Variants in ASIP observed in about 807,000 individuals in gnomAD.
The protein encoded by ASIP is agouti signaling protein.
ASIP carries 11 observed loss-of-function variants against 10.3 expected under a neutral mutation model. That is an observed-to-expected ratio of 1.07 (90% confidence interval 0.68 to 1.78). ASIP has a LOEUF of 1.78. Among genes scored for constraint, ASIP ranks in the 40% most tolerant of loss-of-function variants. ASIP has a pLI of 0.00. For missense variants in ASIP, 180 were observed against 169.2 expected, an observed-to-expected ratio of 1.06 and a Z score of -0.35; for synonymous variants, 70 against 70.8, an observed-to-expected ratio of 0.99 and a Z score of 0.06.
At chr20:34,192,295 T>C (rs1197904842), upstream of ASIP, among the ~76,000 whole-genome samples, 24 of 152,132 alleles carry the variant, frequency 1.6e-4, no homozygotes, top group Non-Finnish European at 2.9e-5. Context: ...CCTCCCAAAG[T>C]GCTGGGATTA....
chr20:34,247,235 A>G (rs987337270), intron 1 of ASIP, among the ~76,000 whole-genome samples: 1 of 150,942 alleles, frequency 6.6e-6, no homozygotes, highest in African/African-American at 2.4e-5. Context: ...TTTGCCTCAC[A>G]TGGTCCTCAA....
intron 1 of ASIP, among the ~76,000 whole-genome samples, chr20:34,233,567 T>C (rs1009784569): frequency 8.5e-5 from 13 of 152,238 alleles, no homozygotes; most frequent in African/African-American, 2.9e-4. Context: ...GGGTGAATTT[T>C]ATGATATGTG....
chr20:34,208,361 T>C (rs2034951350), intron 1 of ASIP, among the ~76,000 whole-genome samples: 1 of 151,932 alleles, frequency 6.6e-6, no homozygotes, highest in Admixed American at 6.6e-5. Flanking sequence ...TTGTTTGTTT[T>C]CTTTTGTTTT....
At chr20:34,250,348 A>G (rs752404106) in intron 1 of ASIP, among the ~76,000 whole-genome samples, 3 of 152,218 alleles carry the variant, frequency 2.0e-5, no homozygotes, top group Non-Finnish European at 4.4e-5. Context: ...CAAACAAACA[A>G]AAAATACTAA....
intron 1 of ASIP, among the ~76,000 whole-genome samples, chr20:34,197,467 A>G (rs1047135294): frequency 3.3e-5 from 5 of 152,220 alleles, no homozygotes; most frequent in African/African-American, 9.6e-5. Flanking sequence ...GGACTTGTTC[A>G]ATACAGTCAG....
chr20:34,223,562 C>A (rs1290754916), intron 1 of ASIP, among the ~76,000 whole-genome samples: 1 of 126,932 alleles, frequency 7.9e-6, no homozygotes, highest in South Asian at 2.1e-4. Flanking sequence ...GTCAGCCCCC[C>A]GCCTGGCCAG....
chr20:34,201,046 T>A (rs1416423059), intron 1 of ASIP, among the ~76,000 whole-genome samples: 1 of 111,666 alleles, frequency 9.0e-6, no homozygotes. Context: ...CTTTCTTTCT[T>A]TCTTTCTTTC....
intron 1 of ASIP, chr20:34,246,042 G>T: frequency 1.1e-6 from 1 of 929,274 alleles, no homozygotes; most frequent in Non-Finnish European, 1.8e-6. Context: ...CATCTGTAAA[G>T]TCTCCCCGAA....
At position 34,269,269 on chromosome 20, in the gene ASIP, G is replaced by A. The variant is rs1359547868; in HGVS notation, c.*102G>A. On this transcript the variant is annotated 3_prime_UTR_variant, in exon 4 of 4. Transcript: ENST00000374954. ...GGCGGCTTCCCAGGGCTGCAGGCGGGCGGAGGTTCCAGGAGATGGGACTTC... is the reference window on the plus strand; with the variant it reads ...GGCGGCTTCCCAGGGCTGCAGGCGGACGGAGGTTCCAGGAGATGGGACTTC... 3 of 1,377,606 alleles carry A rather than the reference G, an allele frequency of 2.2e-6. No individual in the cohort carries two copies. Among genetic ancestry groups the A allele is most frequent in the African/African-American group, 1.5e-5 (1 of 65,022 alleles). The allele number at this position is 1,377,606 out of a possible 1,614,324, so 85.3% of individuals were successfully genotyped here.
At chr20:34,195,488 C>A (rs943213381) in intron 1 of ASIP, among the ~76,000 whole-genome samples, 3 of 152,178 alleles carry the variant, frequency 2.0e-5, no homozygotes, top group African/African-American at 7.2e-5. Context: ...AGGGCACTTA[C>A]GCTGATGGCT....
chr20:34,206,929 A>G (rs1425402426), intron 1 of ASIP, among the ~76,000 whole-genome samples: 2 of 152,134 alleles, frequency 1.3e-5, no homozygotes, highest in Admixed American at 1.3e-4. Flanking sequence ...TTGATTTCAT[A>G]TCTTCGTTAT....
chr20:34,190,744 C>G (rs768755696), upstream of ASIP, among the ~76,000 whole-genome samples: 1 of 152,174 alleles, frequency 6.6e-6, no homozygotes, highest in Non-Finnish European at 1.5e-5. Context: ...TTCTCCATAC[C>G]AAGTGCAGAG....
rs1283489658 is a variant in ASIP at position 34,260,458 on chromosome 20, G to A, written c.84G>A (p.Glu28=). 2.5e-6 allele frequency: 4 copies of A among 1,614,154 alleles called. No individual in the cohort carries two copies. Among genetic ancestry groups the A allele is most frequent in the African/African-American group, 1.3e-5 (1 of 75,060 alleles). Residue 28 remains glutamate, a synonymous_variant, in exon 2 of 4, where the codon GAG becomes GAA. Coordinates refer to ENST00000374954, the MANE Select transcript of ASIP (RefSeq NM_001672.3). ...FTANSHLPPE[E]KLRDDRSLRS... ...CCAACAGCCACCTGCCACCTGAGGA[G>A]AAGCTCCGAGATGACAGGAGCCTGA...
chr20:34,251,290 A>C (rs1322961622), intron 1 of ASIP, among the ~76,000 whole-genome samples: 2 of 147,020 alleles, frequency 1.4e-5, no homozygotes. Flanking sequence ...TTTTTTTTTG[A>C]GACAGAGTCT....
At chr20:34,261,436 C>A (rs1290046471) in intron 2 of ASIP, among the ~76,000 whole-genome samples, 1 of 152,204 alleles carries the variant, frequency 6.6e-6, no homozygotes, top group Non-Finnish European at 1.5e-5. Flanking sequence ...GTGTTCAAGA[C>A]CAGCCTGGTC....
At position 34,253,520 on chromosome 20, in the gene ASIP, C is replaced by A. The variant is rs554116255; in HGVS notation, c.-10-6845C>A. Among the ~76,000 whole-genome samples the A allele has an allele frequency of 2.7e-5, 4 of 150,724 alleles. No homozygotes were observed. In the East Asian group the frequency reaches 7.8e-4, roughly 29 times the overall value. On this transcript the variant is annotated intron_variant, in intron 1 of 3. Coordinates refer to ENST00000374954, the MANE Select transcript of ASIP (RefSeq NM_001672.3). ...CAGAGTCTTGCTCCGTTGCCCAGGC[C>A]GGAGTGCAATGGCACAATCTCAGCT...
chr20:34,260,309 G>A (rs2035666882), intron 1 of ASIP, 56 bp from the exon 2 acceptor site: 1 of 1,513,582 alleles, frequency 6.6e-7, no homozygotes, highest in Non-Finnish European at 8.9e-7. Flanking sequence ...AAGCAGGAAG[G>A]CCTCTTACCA....
rs578063021 is a variant in ASIP, at chr20:34,233,630, A to G, written c.-10-26735A>G. Among the ~76,000 whole-genome samples the G allele has an allele frequency of 1.1e-4, 17 of 152,302 alleles. No individual in the cohort carries two copies. The East Asian group carries it at 3.1e-3, about 28-fold the overall frequency. The stretch of plus-strand genomic sequence containing the variant: ...AATTAAAAGTTTATTCCATCTCTCA[A>G]TGGTACCACCAGTCTGAAGATAATG... On this transcript the variant is annotated intron_variant, in intron 1 of 3. Coordinates refer to the ASIP transcript ENST00000568305.
intron 1 of ASIP, among the ~76,000 whole-genome samples, chr20:34,204,263 C>G (rs886319514): frequency 1.3e-5 from 2 of 150,268 alleles, no homozygotes; most frequent in Non-Finnish European, 3.0e-5. Context: ...ACTTGTTGTC[C>G]AGGCTGGAGT....
Sources: gnomAD v4.1 joint callset for allele counts (sites outside exome capture counted in the v4.1 genomes callset) on GRCh38, gnomAD v4.1.1 for gene constraint, MANE v1.5 for transcripts, NCBI Gene and HGNC (gene_info 2026-07-23, HGNC 2026-07-21) for gene names.